The following TBC1D15 variants were observed in gnomAD, a reference collection of about 807,000 sequenced individuals.
TBC1D15 encodes the protein GAP for RAB7.
TBC1D15 carries 39 observed loss-of-function variants against 95.4 expected under a neutral mutation model. The ratio of observed to expected loss-of-function variants is 0.41; its 90% CI spans 0.32 to 0.53. TBC1D15 has a LOEUF of 0.53. Ranked by LOEUF, TBC1D15 falls within the 20% of genes least tolerant of loss-of-function variation. TBC1D15 has a pLI of 0.29. For synonymous variants in TBC1D15, 258 were observed against 261.3 expected, an observed-to-expected ratio of 0.99 and a Z score of 0.12; for missense variants, 733 against 794.3, an observed-to-expected ratio of 0.92 and a Z score of 0.93.
At chr12:71,866,960 A>ATTAAAAT (rs1891635003) in intron 1 of TBC1D15, among the ~76,000 whole-genome samples, 3 of 152,228 alleles carry the variant, frequency 2.0e-5, no homozygotes, top group African/African-American at 7.2e-5. Flanking sequence ...ACATGTGCTT[A>ATTAAAAT]GACATTAGGG....
intron 13 of TBC1D15, 120 bp downstream of exon 13, chr12:71,917,917 G>T (rs1592834878): frequency 3.3e-6 from 2 of 604,940 alleles, no homozygotes; most frequent in East Asian, 5.7e-5. Context: ...CCAGCACTTT[G>T]GAAGCCAAGG....
chr12:71,914,786 C>T (rs1196783913), intron 12 of TBC1D15, among the ~76,000 whole-genome samples: 2 of 151,990 alleles, frequency 1.3e-5, no homozygotes, highest in Non-Finnish European at 2.9e-5. Context: ...CAGGGTTTAA[C>T]TCAGAGTTTC....
intron 15 of TBC1D15, 104 bp from the exon 16 acceptor site, chr12:71,921,264 G>T: frequency 2.0e-6 from 1 of 501,034 alleles, no homozygotes; most frequent in East Asian, 3.4e-5. Flanking sequence ...TTATTTTAAG[G>T]ATTTTATCTG....
At chr12:71,874,213 G>A (rs891591705) in intron 3 of TBC1D15, among the ~76,000 whole-genome samples, 5 of 152,172 alleles carry the variant, frequency 3.3e-5, no homozygotes, top group Non-Finnish European at 4.4e-5. Context: ...CTAACAAATC[G>A]AGTCACGTTC....
chr12:71,911,246 C>T (rs1902201390), intron 11 of TBC1D15, among the ~76,000 whole-genome samples: 1 of 152,024 alleles, frequency 6.6e-6, no homozygotes, highest in Non-Finnish European at 1.5e-5. Context: ...CTAGAAATAC[C>T]ATTTGACCCA....
At chr12:71,921,109 A>G (rs1002632097) in intron 15 of TBC1D15, among the ~76,000 whole-genome samples, 1 of 152,176 alleles carries the variant, frequency 6.6e-6, no homozygotes, top group Non-Finnish European at 1.5e-5. Flanking sequence ...TTGTCTTTTG[A>G]TTATAACTTT....
At chr12:71,839,990 G>C (rs1457648349) in intron 1 of TBC1D15, among the ~76,000 whole-genome samples, 179 bp downstream of exon 1, 1 of 152,172 alleles carries the variant, frequency 6.6e-6, no homozygotes, top group African/African-American at 2.4e-5. Context: ...TTCAGCCGCG[G>C]AGTTATAGAG....
At chr12:71,846,810 A>G (rs328770) in intron 1 of TBC1D15, among the ~76,000 whole-genome samples, 33,544 of 135,894 alleles carry the variant, frequency 0.25, 4,765 homozygotes, top group African/African-American at 0.43. Flanking sequence ...GGCCCAGGCT[A>G]GAGTGTAGTG....
chr12:71,857,034 A>T (rs1322135050), intron 1 of TBC1D15, among the ~76,000 whole-genome samples: 1 of 152,206 alleles, frequency 6.6e-6, no homozygotes, highest in African/African-American at 2.4e-5. Context: ...TGCGTAATAA[A>T]AATATTACAT....
intron 1 of TBC1D15, among the ~76,000 whole-genome samples, chr12:71,864,195 G>A (rs1334902685): frequency 6.6e-6 from 1 of 151,620 alleles, no homozygotes; most frequent in Non-Finnish European, 1.5e-5. Flanking sequence ...TCAGCCTCCT[G>A]AGTAGCTGGG....
chr12:71,862,751 G>A (rs1890657176), intron 1 of TBC1D15, among the ~76,000 whole-genome samples: 1 of 152,092 alleles, frequency 6.6e-6, no homozygotes, highest in Non-Finnish European at 1.5e-5. Context: ...TTGAAGTTTG[G>A]TGGTTTTCTG....
At chr12:71,840,907 T>C (rs2137738745) in intron 1 of TBC1D15, among the ~76,000 whole-genome samples, 1 of 152,360 alleles carries the variant, frequency 6.6e-6, no homozygotes, top group South Asian at 2.1e-4. Flanking sequence ...TCGCGTTCTT[T>C]ATCTGTAGAA....
intron 5 of TBC1D15, among the ~76,000 whole-genome samples, chr12:71,886,934 T>G (rs1017973923): frequency 9.2e-5 from 14 of 152,190 alleles, no homozygotes; most frequent in Non-Finnish European, 2.1e-4. Context: ...GACTGTTGAT[T>G]AAAGCATAAT....
chr12:71,875,174 A>G (rs1222013130), intron 3 of TBC1D15, among the ~76,000 whole-genome samples: 2 of 150,898 alleles, frequency 1.3e-5, no homozygotes, highest in Non-Finnish European at 3.0e-5. Flanking sequence ...CCTGAGCTCA[A>G]GCAGTCTGCC....
At chr12:71,912,065 C>T (rs533326917) in intron 11 of TBC1D15, among the ~76,000 whole-genome samples, 1 of 152,232 alleles carries the variant, frequency 6.6e-6, no homozygotes, top group African/African-American at 2.4e-5. Context: ...TAACGTAGTA[C>T]TCTTGCACTT....
chr12:71,842,510 A>T (rs775560025), intron 1 of TBC1D15, among the ~76,000 whole-genome samples: 3 of 152,124 alleles, frequency 2.0e-5, no homozygotes, highest in Non-Finnish European at 4.4e-5. Context: ...ATAGGTATTC[A>T]GTGAAGAGGA....
chr12:71,860,412 C>T (rs539120247), intron 1 of TBC1D15, among the ~76,000 whole-genome samples: 2 of 152,120 alleles, frequency 1.3e-5, no homozygotes, highest in Admixed American at 6.5e-5. Flanking sequence ...TTATGTCCTC[C>T]TTAAGTTTTC....
chr12:71,877,563 T>TTCCTTC (rs1565994049), intron 3 of TBC1D15, among the ~76,000 whole-genome samples: 10 of 110,496 alleles, frequency 9.1e-5, no homozygotes, highest in Non-Finnish European at 1.5e-4. Flanking sequence ...TTCCTTCCTT[T>TTCCTTC]CTTCTTTTTC....
chr12:71,906,401 G>A (rs1318064161), intron 10 of TBC1D15, among the ~76,000 whole-genome samples: 2 of 152,190 alleles, frequency 1.3e-5, no homozygotes, highest in African/African-American at 4.8e-5. Flanking sequence ...GAATTGAATT[G>A]TCGGTGCAAC....
Sources: allele counts gnomAD v4.1 joint callset (sites outside exome capture counted in the v4.1 genomes callset), GRCh38; gene constraint gnomAD v4.1.1; transcripts MANE v1.5; gene names NCBI Gene and HGNC (gene_info 2026-07-23, HGNC 2026-07-21).